Variants in VEGFC observed in about 807,000 individuals in gnomAD.
The protein encoded by VEGFC is vascular endothelial growth factor C.
A neutral mutation model predicts 46.1 loss-of-function variants in VEGFC; 12 were observed. The ratio of observed to expected loss-of-function variants is 0.26; its 90% confidence interval spans 0.17 to 0.42. The LOEUF (loss-of-function observed/expected upper bound fraction) is 0.42. Among genes scored for constraint, VEGFC ranks in the 10% least tolerant of loss-of-function variants. The pLI, the probability that VEGFC is intolerant of heterozygous loss-of-function variation, is 1.00. For missense variants in VEGFC, 488 were observed against 529.4 expected (o/e 0.92, Z 0.77); for synonymous variants, 232 against 195.5 (o/e 1.19, Z -1.56).
chr4:176,757,942 A>G (rs898870820), intron 1 of VEGFC, among the ~76,000 whole-genome samples: 3 of 152,074 alleles, frequency 2.0e-5, no homozygotes, highest in African/African-American at 7.2e-5. Context: ...CTTAATCCCC[A>G]TAAAAGTAAA....
chr4:176,791,641 T>C (rs920427069), intron 1 of VEGFC, among the ~76,000 whole-genome samples: 4 of 152,184 alleles, frequency 2.6e-5, no homozygotes, highest in East Asian at 3.9e-4. Flanking sequence ...AAGTGAACTC[T>C]GAAAGCTCTG....
chr4:176,707,506 A>C (rs1010641550), intron 4 of VEGFC, among the ~76,000 whole-genome samples: 3 of 152,156 alleles, frequency 2.0e-5, no homozygotes, highest in African/African-American at 4.8e-5. Flanking sequence ...TCACAAAGAA[A>C]AACAGAATAG....
chr4:176,764,432 C>A (rs1350438533), intron 1 of VEGFC, among the ~76,000 whole-genome samples: 1 of 152,078 alleles, frequency 6.6e-6, no homozygotes, highest in Non-Finnish European at 1.5e-5. Context: ...AATGAGGTTC[C>A]CTGATACTTA....
chr4:176,741,018 T>C (rs1476855830), intron 1 of VEGFC, among the ~76,000 whole-genome samples: 1 of 152,012 alleles, frequency 6.6e-6, no homozygotes, highest in African/African-American at 2.4e-5. Context: ...TAGATTTACA[T>C]TCTTAATTCA....
rs976006267 is a variant in VEGFC, at chr4:176,792,468, G to C, written c.-157C>G. Reference sequence around the variant, plus strand: ...AGCCGGAGGCGGCGGGAGCGGGTCCGGGGCTCCGCGTTCCCAACTTTGCAG... The same window carrying C: ...AGCCGGAGGCGGCGGGAGCGGGTCCCGGGCTCCGCGTTCCCAACTTTGCAG... On this transcript the variant is annotated 5_prime_UTR_variant, in exon 1 of 7. Transcript: ENST00000618562. The surrounding 1 kb of genome is among the most constrained non-coding windows in gnomAD (Gnocchi z 6.3). 6 of 493,074 alleles carry C rather than the reference G, an allele frequency of 1.2e-5. No homozygotes were observed. Among genetic ancestry groups the C allele is most frequent in the Non-Finnish European group, 1.7e-5 (5 of 302,698 alleles). The allele number at this position is 493,074 out of a possible 1,614,324, so 30.5% of individuals were successfully genotyped here. A position where few individuals can be genotyped will look rare whatever the true frequency, so the allele number is the denominator to read the frequency against.
intron 1 of VEGFC, among the ~76,000 whole-genome samples, chr4:176,758,531 A>C (rs538082493): frequency 9.8e-4 from 149 of 152,238 alleles, no homozygotes; most frequent in African/African-American, 3.4e-3. Flanking sequence ...ACTAGAACTG[A>C]ATTAAATGTG....
chr4:176,791,395 A>T (rs917054305), intron 1 of VEGFC, among the ~76,000 whole-genome samples: 2 of 152,202 alleles, frequency 1.3e-5, no homozygotes, highest in African/African-American at 4.8e-5. Context: ...TTTCAAAATC[A>T]GGATGCCTCA....
intron 4 of VEGFC, among the ~76,000 whole-genome samples, chr4:176,707,749 A>C (rs529018638): frequency 2.6e-5 from 4 of 152,222 alleles, no homozygotes; most frequent in African/African-American, 7.2e-5. Context: ...ACACACCCCA[A>C]GTGTTTGCAA....
At chr4:176,686,345 C>T (rs1227672170) in intron 6 of VEGFC, among the ~76,000 whole-genome samples, 2 of 152,114 alleles carry the variant, frequency 1.3e-5, no homozygotes, top group African/African-American at 4.8e-5. Context: ...ACAAATGCCT[C>T]GTTTTTGAGC....
intron 4 of VEGFC, among the ~76,000 whole-genome samples, chr4:176,707,731 G>T (rs1044949751): frequency 3.3e-5 from 5 of 152,084 alleles, no homozygotes; most frequent in Admixed American, 1.3e-4. Flanking sequence ...AACAGCATTG[G>T]CAACGGAACA....
At chr4:176,703,741 A>C (rs1197485298) in intron 4 of VEGFC, among the ~76,000 whole-genome samples, 8 of 152,138 alleles carry the variant, frequency 5.3e-5, no homozygotes, top group African/African-American at 1.7e-4. Flanking sequence ...ATACCCCATA[A>C]ATATGTACAA....
chr4:176,760,105 C>G (rs6819436), intron 1 of VEGFC, among the ~76,000 whole-genome samples: 133,443 of 152,094 alleles, frequency 0.88, 58,981 homozygotes, highest in East Asian at 1. Flanking sequence ...TGAAAAATAG[C>G]GTATTTTAAG....
intron 1 of VEGFC, among the ~76,000 whole-genome samples, chr4:176,729,969 A>T (rs1734934760): frequency 6.6e-6 from 1 of 152,160 alleles, no homozygotes; most frequent in Admixed American, 6.6e-5. Context: ...TTAGGAAAAA[A>T]ATTTTGTGAT....
rs751138884 is a variant in VEGFC at position 176,687,172 on chromosome 4, A to G, written c.1145+15T>C. 1 of 1,597,436 alleles carries G rather than the reference A, an allele frequency of 6.3e-7. No individual in the cohort carries two copies. Among genetic ancestry groups the G allele is most frequent in the Non-Finnish European group, 8.5e-7 (1 of 1,173,526 alleles). On this transcript the variant is annotated intron_variant, in intron 6 of 6. Transcript: ENST00000618562. ...CTAGTAAGATAAATTAATATTCTTC[A>G]TGAGGATCTCTTACCTGCATGTTTG...
rs192247179 is a variant in VEGFC, at chr4:176,715,776, T to C, written c.553-4126A>G. Among the ~76,000 whole-genome samples the C allele has an allele frequency of 3.2e-4, 48 of 152,294 alleles. No individual in the cohort carries two copies. In the East Asian group the frequency reaches 8.9e-3, roughly 28 times the overall value. The stretch of plus-strand genomic sequence containing the variant: ...CTTAGAAAATATACATTTTTTGAAC[T>C]GAAAAAATAATAATTAGAAGTGCAT... On this transcript the variant is annotated intron_variant, in intron 3 of 6. Coordinates refer to ENST00000618562, the MANE Select transcript of VEGFC (RefSeq NM_005429.5).
At chr4:176,694,694 C>T (rs1183829359) in intron 4 of VEGFC, among the ~76,000 whole-genome samples, 1 of 146,778 alleles carries the variant, frequency 6.8e-6, no homozygotes, top group East Asian at 1.9e-4. Flanking sequence ...CAGCACCACA[C>T]CACACCTATT....
chr4:176,689,578 C>T (rs1347266328), intron 4 of VEGFC: 1 of 152,202 alleles, frequency 6.6e-6, no homozygotes. Context: ...CTCCATCCAC[C>T]CATCACCTTC....
intron 6 of VEGFC, among the ~76,000 whole-genome samples, chr4:176,684,889 C>T (rs984760490): frequency 1.3e-5 from 2 of 152,082 alleles, no homozygotes; most frequent in Non-Finnish European, 2.9e-5. Context: ...CCACGCCTGG[C>T]TAAGTTTCTG....
intron 3 of VEGFC, among the ~76,000 whole-genome samples, chr4:176,714,790 A>C (rs1407413025): frequency 6.6e-6 from 1 of 152,224 alleles, no homozygotes; most frequent in African/African-American, 2.4e-5. Context: ...TAATGTTCAC[A>C]AATCAGGATC....
Sources: gnomAD v4.1 joint callset for allele counts (sites outside exome capture counted in the v4.1 genomes callset) on GRCh38, gnomAD v4.1.1 for gene constraint, Gnocchi (gnomAD v3.1) non-coding constraint, MANE v1.5 for transcripts, NCBI Gene and HGNC (gene_info 2026-07-23, HGNC 2026-07-21) for gene names.